SPTLC2: variants seen among roughly 807,000 people sequenced by gnomAD.
SPTLC2 encodes the protein serine palmitoyltransferase long chain base subunit 2, also known as serine palmitoyltransferase 2.
A neutral mutation model predicts 62.0 loss-of-function variants in SPTLC2; 21 were observed. The ratio of observed to expected loss-of-function variants is 0.34; its 90% CI spans 0.24 to 0.49. The LOEUF (loss-of-function observed/expected upper bound fraction) is 0.49. Among genes scored for constraint, SPTLC2 ranks in the 20% least tolerant of loss-of-function variants. SPTLC2 has a pLI of 0.99. For missense variants in SPTLC2, 511 were observed against 713.0 expected (o/e 0.72, Z 3.23); for synonymous variants, 261 against 261.8 (o/e 1.00, Z 0.03).
At chr14:77,587,721 C>T (rs2140048078) in intron 2 of SPTLC2, among the ~76,000 whole-genome samples, 1 of 151,222 alleles carries the variant, frequency 6.6e-6, no homozygotes, top group South Asian at 2.1e-4. Flanking sequence ...CGCACCACTG[C>T]ACTCCAGCCT....
chr14:77,613,246 A>G (rs556065556), intron 1 of SPTLC2, among the ~76,000 whole-genome samples: 39 of 152,374 alleles, frequency 2.6e-4, no homozygotes, highest in African/African-American at 8.7e-4. Flanking sequence ...AGAATTTTCT[A>G]TCAAGACTGA....
intron 5 of SPTLC2, among the ~76,000 whole-genome samples, chr14:77,565,204 T>C (rs1321841330): frequency 1.6e-5 from 2 of 125,816 alleles, no homozygotes; most frequent in Non-Finnish European, 3.1e-5. Context: ...ATGGCGCCAC[T>C]GCACTCCAGC....
At chr14:77,613,965 G>A (rs1043137320) in intron 1 of SPTLC2, among the ~76,000 whole-genome samples, 18 of 152,234 alleles carry the variant, frequency 1.2e-4, no homozygotes, top group Admixed American at 4.6e-4. Flanking sequence ...CCATCTGAGA[G>A]TGTAGAAAGC....
intron 10 of SPTLC2, among the ~76,000 whole-genome samples, chr14:77,520,854 C>A (rs2079381879): frequency 6.6e-6 from 1 of 152,202 alleles, no homozygotes; most frequent in Non-Finnish European, 1.5e-5. Context: ...GGGCACGGTG[C>A]TCCAATTCCA....
At chr14:77,584,820 A>T (rs1364666718) in intron 2 of SPTLC2, among the ~76,000 whole-genome samples, 1 of 149,352 alleles carries the variant, frequency 6.7e-6, no homozygotes, top group Non-Finnish European at 1.5e-5. Flanking sequence ...CACTTAGGAG[A>T]TGGAAGGCTA....
rs2079306919 is a variant in SPTLC2, at chr14:77,506,649, C to T, written c.*5635G>A. On this transcript the variant is annotated 3_prime_UTR_variant, in exon 12 of 12. Coordinates refer to ENST00000216484, the MANE Select transcript of SPTLC2 (RefSeq NM_004863.4). ...CCACCCTAGTCAGTGACATGTACTCCACTTTCCAGGAAGACCTGGGCCAAA... is the reference window on the plus strand; with the variant it reads ...CCACCCTAGTCAGTGACATGTACTCTACTTTCCAGGAAGACCTGGGCCAAA... The T allele has an allele frequency of 6.6e-6, 1 of 152,220 alleles. No individual in the cohort carries two copies. The highest frequency in any genetic ancestry group is 6.5e-5 in the Admixed American group (1 of 15,284). The allele number at this position is 152,220 out of a possible 1,614,324, so 9.4% of individuals were successfully genotyped here.
At chr14:77,541,486 G>A (rs2079500249) in intron 9 of SPTLC2, among the ~76,000 whole-genome samples, 1 of 152,120 alleles carries the variant, frequency 6.6e-6, no homozygotes, top group South Asian at 2.1e-4. Context: ...AGGACTCTGT[G>A]CACACAGACT....
In SPTLC2 at chr14:77,555,628, T is replaced by C. The variant is rs138521356; in HGVS notation, c.957-109A>G. The C allele has an allele frequency of 2.4e-4, 264 of 1,113,892 alleles. 2 individuals carry two copies. The highest frequency in any genetic ancestry group is 1.6e-3 in the Middle Eastern group (6 of 3,674). The allele number at this position is 1,113,892 out of a possible 1,614,324, so 69.0% of individuals were successfully genotyped here. A position where few individuals can be genotyped will look rare whatever the true frequency, so the allele number is the denominator to read the frequency against. On this transcript the variant is annotated intron_variant, in intron 7 of 11. Coordinates refer to ENST00000216484, the MANE Select transcript of SPTLC2 (RefSeq NM_004863.4). ...TATTGAGTTTACTGCTTCTTTTTTTTTTCTTGGGACAGAGTTTTGCTCCAT... is the reference window on the plus strand; with the variant it reads ...TATTGAGTTTACTGCTTCTTTTTTTCTTCTTGGGACAGAGTTTTGCTCCAT...
At chr14:77,534,168 TCTCTCTCTCTCACACACA>T (rs879719309) in intron 9 of SPTLC2, among the ~76,000 whole-genome samples, 2,195 of 91,860 alleles carry the variant, frequency 0.024, 51 homozygotes, top group African/African-American at 0.084. Context: ...TCTCTCTTTC[TCTCTCTCTCTCACACACA>T]CACACACACA....
chr14:77,590,488 A>G (rs1245200359), intron 2 of SPTLC2, among the ~76,000 whole-genome samples: 2 of 152,190 alleles, frequency 1.3e-5, no homozygotes, highest in East Asian at 1.9e-4. Context: ...AGGTGGGCAG[A>G]TAGATAAACA....
intron 9 of SPTLC2, among the ~76,000 whole-genome samples, chr14:77,534,946 AGATGGAGTTTC>A (rs2079461497): frequency 6.6e-6 from 1 of 150,570 alleles, no homozygotes; most frequent in Non-Finnish European, 1.5e-5. Flanking sequence ...TTTTTTTTTG[AGATGGAGTTTC>A]GCTCTTGTTG....
At chr14:77,592,441 T>C (rs144725637) in intron 2 of SPTLC2, among the ~76,000 whole-genome samples, 17 of 152,300 alleles carry the variant, frequency 1.1e-4, no homozygotes, top group African/African-American at 3.8e-4. Flanking sequence ...GGCTGTACGC[T>C]ACTTTTTGAA....
At chr14:77,589,019 A>C (rs1335182238) in intron 2 of SPTLC2, among the ~76,000 whole-genome samples, 26 of 127,860 alleles carry the variant, frequency 2.0e-4, no homozygotes, top group East Asian at 2.3e-4. Context: ...AAAAAAAAAA[A>C]AAAAAAAAAA....
At chr14:77,594,523 G>A (rs2079835365) in intron 2 of SPTLC2, among the ~76,000 whole-genome samples, 1 of 152,234 alleles carries the variant, frequency 6.6e-6, no homozygotes, top group Non-Finnish European at 1.5e-5. Flanking sequence ...CACTTTGGGA[G>A]GCCAAGGCAG....
At chr14:77,603,125 T>A (rs1198870712) in intron 1 of SPTLC2, among the ~76,000 whole-genome samples, 1 of 152,156 alleles carries the variant, frequency 6.6e-6, no homozygotes, top group Non-Finnish European at 1.5e-5. Flanking sequence ...AAGTAATTAT[T>A]AGGAAACAGA....
rs11439888 is a variant in SPTLC2 at position 77,526,799 on chromosome 14, CT to C, written c.1304-5219del. 2.1e-3 allele frequency among the ~76,000 whole-genome samples: 311 copies of C among 145,992 alleles called. 5 individuals are homozygous for C. The East Asian group carries it at 0.029, about 13-fold the overall frequency. On this transcript the variant is annotated intron_variant, in intron 9 of 11. Transcript: ENST00000216484. Reference sequence around the variant, plus strand: ...AACAGCATCATTAGATTATTTAGTTCTTTTTTTTTTTTTGAGACAGAGTCTC... The same window carrying C: ...AACAGCATCATTAGATTATTTAGTTCTTTTTTTTTTTTGAGACAGAGTCTC...
At chr14:77,580,088 T>G (rs2079739784) in intron 2 of SPTLC2, among the ~76,000 whole-genome samples, 1 of 152,052 alleles carries the variant, frequency 6.6e-6, no homozygotes, top group Non-Finnish European at 1.5e-5. Flanking sequence ...AGAAAAACAA[T>G]TCCAAAATTA....
chr14:77,600,636 T>C (rs1422129727), intron 1 of SPTLC2, among the ~76,000 whole-genome samples: 1 of 152,228 alleles, frequency 6.6e-6, no homozygotes, highest in Non-Finnish European at 1.5e-5. Flanking sequence ...TAACATTTCG[T>C]ATCAGTCTGT....
At chr14:77,531,498 C>T (rs1286371808) in intron 9 of SPTLC2, among the ~76,000 whole-genome samples, 6 of 111,632 alleles carry the variant, frequency 5.4e-5, no homozygotes, top group African/African-American at 1.4e-4. Context: ...CCTCCTCCTC[C>T]TCCTCCTCCT....
Sources: gnomAD v4.1 joint callset for allele counts (sites outside exome capture counted in the v4.1 genomes callset) on GRCh38, gnomAD v4.1.1 for gene constraint, MANE v1.5 for transcripts, NCBI Gene and HGNC (gene_info 2026-07-23, HGNC 2026-07-21) for gene names.